RORA: variants seen among roughly 807,000 people sequenced by gnomAD.
The protein encoded by RORA is nuclear receptor ROR-alpha.
RORA carries 7 observed loss-of-function variants against 69.5 expected under a neutral mutation model. The ratio of observed to expected loss-of-function variants is 0.10; its 90% CI spans 0.06 to 0.19. The LOEUF is 0.19. Among genes scored for constraint, RORA ranks in the 10% least tolerant of loss-of-function variants. The pLI, the probability that RORA is intolerant of heterozygous loss-of-function variation, is 1.00. For missense variants in RORA, 457 were observed against 663.0 expected, an observed-to-expected ratio of 0.69 and a Z score of 3.41; for synonymous variants, 261 against 240.8, an observed-to-expected ratio of 1.08 and a Z score of -0.78.
At chr15:60,938,847 TC>T (rs1372753974) in intron 1 of RORA, among the ~76,000 whole-genome samples, 1 of 152,244 alleles carries the variant, frequency 6.6e-6, no homozygotes, top group Non-Finnish European at 1.5e-5. Flanking sequence ...TTCTTTTCTT[TC>T]GGCTACTGAA....
chr15:60,783,504 C>T (rs1215509407), intron 1 of RORA, among the ~76,000 whole-genome samples: 3 of 152,114 alleles, frequency 2.0e-5, no homozygotes, highest in Non-Finnish European at 4.4e-5. Flanking sequence ...GGTGAGAACA[C>T]TTAAAACACA....
At chr15:60,829,622 G>A (rs545856011) in intron 1 of RORA, among the ~76,000 whole-genome samples, 2 of 152,282 alleles carry the variant, frequency 1.3e-5, no homozygotes, top group African/African-American at 4.8e-5. Context: ...GAAAGAGTTT[G>A]TCAGTTCTTC....
intron 1 of RORA, among the ~76,000 whole-genome samples, chr15:60,913,335 A>G (rs1385203295): frequency 2.0e-5 from 3 of 152,216 alleles, no homozygotes; most frequent in East Asian, 1.9e-4. Context: ...TCTGGTTTCT[A>G]GAGCCAGTAG....
chr15:60,649,678 CA>C (rs752738860), intron 2 of RORA, among the ~76,000 whole-genome samples: 17 of 152,174 alleles, frequency 1.1e-4, no homozygotes, highest in Non-Finnish European at 2.2e-4. Context: ...ACTTTGCCCC[CA>C]GGTGTTTTCT....
chr15:60,701,708 G>A (rs1409121760), intron 1 of RORA, among the ~76,000 whole-genome samples: 1 of 152,104 alleles, frequency 6.6e-6, no homozygotes, highest in African/African-American at 2.4e-5. Flanking sequence ...CCTTGTCCTT[G>A]CGGGCCCATG....
chr15:60,938,435 G>C (rs1013589003), intron 1 of RORA, among the ~76,000 whole-genome samples: 1 of 152,202 alleles, frequency 6.6e-6, no homozygotes, highest in Non-Finnish European at 1.5e-5. Flanking sequence ...ACCTGTGAAG[G>C]TGGTGGCCAG....
At position 60,490,964 on chromosome 15, in the gene RORA, C is replaced by T. The variant is rs930515823; in HGVS notation, c.*6491G>A. On this transcript the variant is annotated 3_prime_UTR_variant, in exon 11 of 11. Transcript: ENST00000335670. The surrounding 1 kb of genome is among the most constrained non-coding windows in gnomAD (Gnocchi z 4.1). ...GGCCCAAACATCCAATACAAAAACA[C>T]ATCTCCACAAAAGGAGCAGGCAGAC... is the stretch of plus-strand genomic sequence containing the variant. 2.6e-5 allele frequency: 4 copies of T among 152,146 alleles called. No individual in the cohort carries two copies. Among genetic ancestry groups the T allele is most frequent in the Admixed American group, 6.5e-5 (1 of 15,270 alleles). The allele number at this position is 152,146 out of a possible 1,614,324, so 9.4% of individuals were successfully genotyped here. A position where few individuals can be genotyped will look rare whatever the true frequency, so the allele number is the denominator to read the frequency against.
intron 3 of RORA, among the ~76,000 whole-genome samples, chr15:60,517,125 C>CTTTTTTTTTTTTTTTTTTTTTTTTTTT (rs1555425185): frequency 8.3e-6 from 1 of 120,764 alleles, no homozygotes; most frequent in African/African-American, 4.3e-5. Flanking sequence ...TTTTTTTTTC[C>CTTTTTTTTTTTTTTTTTTTTTTTTTTT]CCCCTACAAT....
chr15:61,103,210 G>A (rs980447728), intron 1 of RORA, among the ~76,000 whole-genome samples: 2 of 152,146 alleles, frequency 1.3e-5, no homozygotes, highest in African/African-American at 4.8e-5. Context: ...CCTCTCCTGG[G>A]CGGGGCTGAG....
intron 1 of RORA, among the ~76,000 whole-genome samples, chr15:61,050,959 C>T (rs1595919595): frequency 6.6e-6 from 1 of 152,222 alleles, no homozygotes; most frequent in Admixed American, 6.5e-5. Flanking sequence ...ATAGTGGCTG[C>T]TGCTTAGGGG....
chr15:60,529,402 AGAGAGAAATTATAATG>A (rs2066463961), intron 3 of RORA: 1 of 152,216 alleles, frequency 6.6e-6, no homozygotes, highest in Non-Finnish European at 1.5e-5. Context: ...TAGTTATAGC[AGAGAGAAATTATAATG>A]GAGAACAAAG....
chr15:60,816,828 T>C (rs2072824297), intron 1 of RORA, among the ~76,000 whole-genome samples: 1 of 152,122 alleles, frequency 6.6e-6, no homozygotes, highest in South Asian at 2.1e-4. Flanking sequence ...GCTATATGTT[T>C]ATAATTGTTA....
chr15:61,110,526 T>A (rs1050319860), intron 1 of RORA, among the ~76,000 whole-genome samples: 1 of 152,084 alleles, frequency 6.6e-6, no homozygotes, highest in African/African-American at 2.4e-5. Context: ...GTACTCTTAT[T>A]TTTTTTAAAT....
chr15:61,167,237 T>C (rs1049542098), intron 1 of RORA, among the ~76,000 whole-genome samples: 21 of 152,122 alleles, frequency 1.4e-4, no homozygotes, highest in African/African-American at 4.6e-4. Flanking sequence ...TTTAAAAGAT[T>C]TTTTTTTCCT....
At chr15:61,165,486 G>A (rs908499936) in intron 1 of RORA, among the ~76,000 whole-genome samples, 1 of 152,202 alleles carries the variant, frequency 6.6e-6, no homozygotes, top group African/African-American at 2.4e-5. Flanking sequence ...GCCAGTGGTT[G>A]GTGGGTTTCA....
intron 1 of RORA, among the ~76,000 whole-genome samples, chr15:61,197,053 A>ATT: frequency 6.6e-6 from 1 of 152,344 alleles, no homozygotes; most frequent in Middle Eastern, 3.4e-3. Context: ...CCACAGGGGA[A>ATT]AGCCGATGAG....
intron 2 of RORA, among the ~76,000 whole-genome samples, chr15:60,544,093 A>G (rs2066992373): frequency 6.6e-6 from 1 of 152,188 alleles, no homozygotes; most frequent in Non-Finnish European, 1.5e-5. Context: ...CTGCCTGTGC[A>G]GTGAGCAAAA....
At chr15:61,018,433 T>C (rs1895379815) in intron 1 of RORA, among the ~76,000 whole-genome samples, 1 of 152,140 alleles carries the variant, frequency 6.6e-6, no homozygotes, top group Admixed American at 6.5e-5. Context: ...CAGAAAAGTA[T>C]GGAAAGTACT....
intron 1 of RORA, among the ~76,000 whole-genome samples, chr15:60,987,534 A>G (rs890206207): frequency 1.2e-4 from 19 of 152,184 alleles, no homozygotes; most frequent in Non-Finnish European, 7.3e-5. Context: ...AACTTTCATT[A>G]TTCCAGCCAA....
Sources: allele counts gnomAD v4.1 joint callset (sites outside exome capture counted in the v4.1 genomes callset), GRCh38; gene constraint gnomAD v4.1.1; non-coding constraint Gnocchi (gnomAD v3.1); transcripts MANE v1.5; gene names NCBI Gene and HGNC (gene_info 2026-07-23, HGNC 2026-07-21).